IFT80: variants seen among roughly 807,000 people sequenced by gnomAD.
IFT80 encodes the protein intraflagellar transport protein 80 homolog.
Under a neutral mutation model 107.9 loss-of-function variants are expected in IFT80, and 79 were observed. The ratio of observed to expected loss-of-function variants is 0.73; its 90% CI spans 0.61 to 0.88. IFT80 has a LOEUF of 0.88. IFT80 is among the 40% of genes least tolerant of loss of function. IFT80 has a pLI of 0.00. For synonymous variants in IFT80, 299 were observed against 300.9 expected, an observed-to-expected ratio of 0.99 and a Z score of 0.07; for missense variants, 797 against 914.2, an observed-to-expected ratio of 0.87 and a Z score of 1.65.
At chr3:160,384,069 A>T (rs1559972852) in intron 2 of IFT80, 1 of 324,092 alleles carries the variant, frequency 3.1e-6, no homozygotes, top group Admixed American at 6.5e-5. Flanking sequence ...ACATGGTGAA[A>T]CCCCGTCTCT....
chr3:160,331,550 A>T (rs576342406), intron 8 of IFT80, among the ~76,000 whole-genome samples: 1 of 152,296 alleles, frequency 6.6e-6, no homozygotes, highest in Admixed American at 6.5e-5. Flanking sequence ...ACTGTTCAAA[A>T]TTTCCCAATT....
chr3:160,349,629 C>T (rs976383322), intron 8 of IFT80, among the ~76,000 whole-genome samples: 6 of 152,042 alleles, frequency 3.9e-5, no homozygotes, highest in African/African-American at 9.7e-5. Flanking sequence ...GGATAAATAC[C>T]ACTTTAAGTT....
At chr3:160,343,278 A>G (rs1398484370) in intron 8 of IFT80, among the ~76,000 whole-genome samples, 4 of 152,180 alleles carry the variant, frequency 2.6e-5, no homozygotes, top group African/African-American at 9.7e-5. Context: ...ATAATGCTTA[A>G]ACGAATATTC....
intron 2 of IFT80, chr3:160,383,486 G>C (rs1211114811): frequency 2.1e-6 from 2 of 933,980 alleles, no homozygotes; most frequent in Admixed American, 6.2e-5. Context: ...TCCTAGTTCT[G>C]ATGAAGGACC....
intron 3 of IFT80, among the ~76,000 whole-genome samples, chr3:160,378,487 A>C (rs989514990): frequency 6.6e-6 from 1 of 152,062 alleles, no homozygotes; most frequent in Non-Finnish European, 1.5e-5. Context: ...TAGCACTGTT[A>C]TCTTGTTTTT....
chr3:160,330,766 C>T (rs1470642949), intron 8 of IFT80, among the ~76,000 whole-genome samples: 1 of 152,168 alleles, frequency 6.6e-6, no homozygotes, highest in African/African-American at 2.4e-5. Context: ...CAGTTTCCAA[C>T]AATTATCAAC....
intron 5 of IFT80, among the ~76,000 whole-genome samples, chr3:160,371,437 A>G (rs1231472462): frequency 1.3e-5 from 2 of 152,086 alleles, no homozygotes. Context: ...TTATTTATTA[A>G]TTTGTATTGA....
Position 160,322,091 on chromosome 3 carries a change from T to C in IFT80, c.778-2152A>G, listed in dbSNP as rs577239530. 2.0e-4 allele frequency among the ~76,000 whole-genome samples: 31 copies of C among 151,798 alleles called. No individual in the cohort carries two copies. The South Asian group carries it at 5.6e-3, about 28-fold the overall frequency. Reference sequence around the variant, plus strand: ...GGGTACATGTGCATAATGTGCAGGTTAGTTATATATGTATGCATGTGCCAT... The same window carrying C: ...GGGTACATGTGCATAATGTGCAGGTCAGTTATATATGTATGCATGTGCCAT... On this transcript the variant is annotated intron_variant, in intron 8 of 19. Coordinates refer to ENST00000326448, the MANE Select transcript of IFT80 (RefSeq NM_020800.3).
intron 1 of IFT80, among the ~76,000 whole-genome samples, chr3:160,385,665 C>G (rs898921806): frequency 1.3e-5 from 2 of 152,166 alleles, no homozygotes; most frequent in African/African-American, 4.8e-5. Flanking sequence ...TGTTGAACTT[C>G]AAAAGTATGA....
rs13086838 is a variant in IFT80 at position 160,372,448 on chromosome 3, A to G, written c.439+3364T>C. Among the ~76,000 whole-genome samples the G allele has an allele frequency of 1.0e-3, 156 of 152,326 alleles. 4 individuals carry two copies. The South Asian group carries it at 0.019, about 19-fold the overall frequency. ...AATTAGGGACCTTTCCTTTTGGGTT[A>G]CTGTCATTATAACAACTTAACTGCT... On this transcript the variant is annotated intron_variant, in intron 5 of 19. Transcript: ENST00000326448.
intron 7 of IFT80, among the ~76,000 whole-genome samples, chr3:160,356,769 C>A (rs1721122228): frequency 6.6e-6 from 1 of 152,130 alleles, no homozygotes; most frequent in Non-Finnish European, 1.5e-5. Context: ...AACCCTACTG[C>A]CTTGGCCTCT....
At chr3:160,292,908 T>C (rs949109047) in intron 12 of IFT80, among the ~76,000 whole-genome samples, 1 of 152,130 alleles carries the variant, frequency 6.6e-6, no homozygotes, top group Non-Finnish European at 1.5e-5. Context: ...AAGAAAGAAA[T>C]TGTAACTATA....
chr3:160,259,073 A>G (rs765388211), intron 19 of IFT80, among the ~76,000 whole-genome samples: 2 of 152,142 alleles, frequency 1.3e-5, no homozygotes, highest in African/African-American at 2.4e-5. Flanking sequence ...GCACCATTGC[A>G]CTCCAGCCTG....
intron 9 of IFT80, among the ~76,000 whole-genome samples, chr3:160,313,324 C>T (rs1717555809): frequency 6.6e-6 from 1 of 150,634 alleles, no homozygotes. Flanking sequence ...ATTCAAACTG[C>T]CTGCAAACTT....
rs569259661 is a variant in IFT80, at chr3:160,324,884, T to C, written c.778-4945A>G. 2.6e-3 allele frequency among the ~76,000 whole-genome samples: 393 copies of C among 151,986 alleles called. 4 individuals are homozygous for C. Among genetic ancestry groups the C allele is most frequent in the African/African-American group, 8.7e-3 (359 of 41,462 alleles). On this transcript the variant is annotated intron_variant, in intron 8 of 19. Coordinates refer to ENST00000326448, the MANE Select transcript of IFT80 (RefSeq NM_020800.3). ...ATGACTGTATATCTAGAAAACCCCA[T>C]TGTCTCAGCCCAAAATCTCCTTAAG...
At chr3:160,383,233 A>G (rs983730655) in intron 2 of IFT80, among the ~76,000 whole-genome samples, 4 of 152,248 alleles carry the variant, frequency 2.6e-5, no homozygotes, top group Non-Finnish European at 5.9e-5. Flanking sequence ...AAGAAAGTCT[A>G]AAAACATTGT....
At chr3:160,353,223 A>G (rs1720839826) in intron 8 of IFT80, among the ~76,000 whole-genome samples, 1 of 152,120 alleles carries the variant, frequency 6.6e-6, no homozygotes, top group Non-Finnish European at 1.5e-5. Context: ...CACACCATCC[A>G]TGGCTCTCTA....
At chr3:160,325,159 T>C (rs1718590844) in intron 8 of IFT80, among the ~76,000 whole-genome samples, 1 of 151,934 alleles carries the variant, frequency 6.6e-6, no homozygotes, top group Non-Finnish European at 1.5e-5. Context: ...GAACATTCCA[T>C]GCTCATGGGT....
intron 18 of IFT80, among the ~76,000 whole-genome samples, chr3:160,276,102 G>A (rs931486466): frequency 9.2e-5 from 14 of 151,978 alleles, no homozygotes; most frequent in Admixed American, 4.6e-4. Context: ...ACTCCTGACC[G>A]TGTGATCCGC....
Sources: gnomAD v4.1 joint callset for allele counts (sites outside exome capture counted in the v4.1 genomes callset) on GRCh38, gnomAD v4.1.1 for gene constraint, MANE v1.5 for transcripts, NCBI Gene and HGNC (gene_info 2026-07-23, HGNC 2026-07-21) for gene names.